Variants in ZYG11B observed in about 807,000 individuals in gnomAD.
The protein encoded by ZYG11B is zyg-11 family member B, cell cycle regulator.
In ZYG11B, 36 loss-of-function variants were observed where a neutral mutation model predicts 82.4. The ratio of observed to expected loss-of-function variants is 0.44; its 90% CI spans 0.33 to 0.58. The LOEUF is 0.58. ZYG11B is among the 20% of genes least tolerant of loss of function. The pLI is 0.02. For synonymous variants in ZYG11B, 303 were observed against 312.8 expected, an observed-to-expected ratio of 0.97 and a Z score of 0.33; for missense variants, 552 against 895.6, an observed-to-expected ratio of 0.62 and a Z score of 4.90.
rs1395247674 is a variant in ZYG11B, at chr1:52,802,084, T to G, written c.1648-8T>G. 6.2e-7 allele frequency: 1 copy of G among 1,603,764 alleles called. No individual in the cohort carries two copies. The highest frequency in any genetic ancestry group is 1.1e-5 in the South Asian group (1 of 87,688). On this transcript the variant is annotated splice_polypyrimidine_tract_variant and splice_region_variant and intron_variant, in intron 9 of 13. Transcript: ENST00000294353. Reference sequence around the variant, plus strand: ...CAGGTAATTATAGGTTTCTTTTTCTTTTTACAGTCTTTCCCAACTGAGTCA... The same window carrying G: ...CAGGTAATTATAGGTTTCTTTTTCTGTTTACAGTCTTTCCCAACTGAGTCA...
At chr1:52,803,099 C>CACACAT (rs1558139992) in intron 10 of ZYG11B, among the ~76,000 whole-genome samples, 5 of 10,796 alleles carry the variant, frequency 4.6e-4, no homozygotes, top group Non-Finnish European at 9.0e-4. Context: ...TATATATATA[C>CACACAT]ATATATATAT....
chr1:52,774,246 T>G (rs908872805), intron 3 of ZYG11B, among the ~76,000 whole-genome samples: 74 of 151,494 alleles, frequency 4.9e-4, no homozygotes, highest in Non-Finnish European at 7.8e-4. Flanking sequence ...CTCGAGTGGA[T>G]CCTCCTGGCT....
At chr1:52,752,845 AT>A (rs35055967) in intron 1 of ZYG11B, among the ~76,000 whole-genome samples, 1 of 149,952 alleles carries the variant, frequency 6.7e-6, no homozygotes, top group Non-Finnish European at 1.5e-5. Context: ...AATTCGGACC[AT>A]TTTTTTTTTC....
chr1:52,809,149 T>G (rs1354325668), intron 10 of ZYG11B, among the ~76,000 whole-genome samples: 1 of 151,812 alleles, frequency 6.6e-6, no homozygotes, highest in African/African-American at 2.4e-5. Context: ...TTTAAAAAAT[T>G]TATTATGTTT....
intron 13 of ZYG11B, among the ~76,000 whole-genome samples, chr1:52,816,838 G>C (rs1645228787): frequency 7.0e-6 from 1 of 143,780 alleles, no homozygotes; most frequent in African/African-American, 2.7e-5. Context: ...CCCCAGGCTG[G>C]AGTACAGTGG....
At chr1:52,797,378 TATA>T (rs1645030912) in intron 8 of ZYG11B, among the ~76,000 whole-genome samples, 1 of 99,190 alleles carries the variant, frequency 1.0e-5, no homozygotes, top group Non-Finnish European at 1.8e-5. Context: ...ATATATAATA[TATA>T]ATACATATAT....
At chr1:52,736,287 AT>A (rs1644377954) in intron 1 of ZYG11B, among the ~76,000 whole-genome samples, 1 of 150,950 alleles carries the variant, frequency 6.6e-6, no homozygotes, top group African/African-American at 2.5e-5. Context: ...TTATTTATTT[AT>A]TTATTTATTG....
At position 52,796,852 on chromosome 1, in the gene ZYG11B, A is replaced by G. The variant is rs556872566; in HGVS notation, c.1485+68A>G. 10 of 668,966 alleles carry G rather than the reference A, an allele frequency of 1.5e-5. No individual in the cohort carries two copies. The East Asian group carries it at 3.8e-4, about 26-fold the overall frequency. 41.4% of individuals were successfully genotyped at this position (668,966 alleles called of 1,614,324 possible). A position where few individuals can be genotyped will look rare whatever the true frequency, so the allele number is the denominator to read the frequency against. Reference sequence around the variant, plus strand: ...GTTTATTGTTTTCAGGCAGTATTGTATATTTTCTGACATTTTTTATATATA... The same window carrying G: ...GTTTATTGTTTTCAGGCAGTATTGTGTATTTTCTGACATTTTTTATATATA... On this transcript the variant is annotated intron_variant, in intron 8 of 13. Coordinates refer to ENST00000294353, the MANE Select transcript of ZYG11B (RefSeq NM_024646.3).
chr1:52,796,407 C>A lies in ZYG11B; in HGVS notation c.1434+16C>A. 6.3e-7 allele frequency: 1 copy of A among 1,599,502 alleles called. No individual in the cohort carries two copies. The highest frequency in any genetic ancestry group is 8.6e-7 in the Non-Finnish European group (1 of 1,167,656). ...GGCTGCCAAGGTACCTGAACTCTTG[C>A]TGAATAATTTTCTGTAGACAGCTGT... On this transcript the variant is annotated intron_variant, in intron 7 of 13. Coordinates refer to ENST00000294353, the MANE Select transcript of ZYG11B (RefSeq NM_024646.3).
intron 13 of ZYG11B, among the ~76,000 whole-genome samples, chr1:52,817,416 A>C (rs503296): frequency 6.6e-6 from 1 of 151,640 alleles, no homozygotes. Context: ...TTTAGAGACA[A>C]GGTCTGTCTC....
chr1:52,773,752 C>G (rs1322734529), intron 3 of ZYG11B, among the ~76,000 whole-genome samples: 1 of 143,542 alleles, frequency 7.0e-6, no homozygotes, highest in Non-Finnish European at 1.5e-5. Context: ...AAGTGATTCT[C>G]CTGCCTCAGT....
At chr1:52,729,683 T>TA (rs1205019224) in intron 1 of ZYG11B, among the ~76,000 whole-genome samples, 1 of 152,190 alleles carries the variant, frequency 6.6e-6, no homozygotes, top group Non-Finnish European at 1.5e-5. Flanking sequence ...CTACTAAAAA[T>TA]ACAAAAATTA....
At chr1:52,792,116 A>G (rs1234951124) in intron 6 of ZYG11B, among the ~76,000 whole-genome samples, 1 of 152,146 alleles carries the variant, frequency 6.6e-6, no homozygotes, top group Non-Finnish European at 1.5e-5. Context: ...CTTTCCTCTC[A>G]TCTAGCCAAT....
intron 10 of ZYG11B, among the ~76,000 whole-genome samples, chr1:52,804,470 A>G (rs1645124508): frequency 6.6e-6 from 1 of 152,086 alleles, no homozygotes; most frequent in South Asian, 2.1e-4. Context: ...AAAGTTAGCC[A>G]GGTGTGCTGG....
At position 52,802,177 on chromosome 1, in the gene ZYG11B, A is replaced by G. The variant is rs1253270109; in HGVS notation, c.1695+38A>G. On this transcript the variant is annotated intron_variant, in intron 10 of 13. Transcript: ENST00000294353. ...CACTTCCTGCTAAGTTCCAAGCTAT[A>G]TTTATTTTCTGTCTGAAGTAACACA... 4 of 1,584,550 alleles carry G rather than the reference A, an allele frequency of 2.5e-6. No homozygotes were observed. In the South Asian group the frequency reaches 3.6e-5, roughly 14 times the overall value.
intron 2 of ZYG11B, among the ~76,000 whole-genome samples, chr1:52,767,861 C>T (rs1011655049): frequency 1.3e-5 from 2 of 152,146 alleles, no homozygotes; most frequent in African/African-American, 4.8e-5. Context: ...AGCACCCCAG[C>T]AGGGAAGCAG....
chr1:52,736,843 C>A (rs1368048910), intron 1 of ZYG11B, among the ~76,000 whole-genome samples: 1 of 152,162 alleles, frequency 6.6e-6, no homozygotes, highest in African/African-American at 2.4e-5. Context: ...CCCCCTTTGG[C>A]CTCCCAGAGT....
At chr1:52,782,634 G>A (rs1282776073) in intron 4 of ZYG11B, among the ~76,000 whole-genome samples, 1 of 152,054 alleles carries the variant, frequency 6.6e-6, no homozygotes, top group Non-Finnish European at 1.5e-5. Flanking sequence ...CTGAAGTGCA[G>A]TAGTATGATC....
chr1:52,741,329 A>C (rs1244897087), intron 1 of ZYG11B, among the ~76,000 whole-genome samples: 1 of 150,970 alleles, frequency 6.6e-6, no homozygotes, highest in Non-Finnish European at 1.5e-5. Context: ...AGAAAAGAAA[A>C]GAAAGTTTTT....
Sources: gnomAD v4.1 joint callset for allele counts (sites outside exome capture counted in the v4.1 genomes callset) on GRCh38, gnomAD v4.1.1 for gene constraint, MANE v1.5 for transcripts, NCBI Gene and HGNC (gene_info 2026-07-23, HGNC 2026-07-21) for gene names.